Variants in C8orf34 observed in about 807,000 individuals in gnomAD.
C8orf34 encodes the protein uncharacterized protein C8orf34.
Under a neutral mutation model 68.3 loss-of-function variants are expected in C8orf34, and 65 were observed. The ratio of observed to expected loss-of-function variants is 0.95; its 90% CI spans 0.78 to 1.17. The LOEUF (loss-of-function observed/expected upper bound fraction) is 1.17, where lower values mean the gene tolerates loss of function less well. Among genes scored for constraint, C8orf34 ranks in the 50% most tolerant of loss-of-function variants. The pLI, the probability that C8orf34 is intolerant of heterozygous loss-of-function variation, is 0.00. For missense variants in C8orf34, 664 were observed against 655.4 expected, an observed-to-expected ratio of 1.01 and a Z score of -0.14; for synonymous variants, 244 against 241.2, an observed-to-expected ratio of 1.01 and a Z score of -0.11.
chr8:68,754,455 A>T (rs1025488924), intron 10 of C8orf34, among the ~76,000 whole-genome samples: 2 of 152,216 alleles, frequency 1.3e-5, no homozygotes, highest in African/African-American at 4.8e-5. Context: ...GGTTTTTAAG[A>T]ATCTAGAAAG....
At chr8:68,455,772 G>T (rs1442016553) in intron 3 of C8orf34, among the ~76,000 whole-genome samples, 1 of 151,462 alleles carries the variant, frequency 6.6e-6, no homozygotes, top group African/African-American at 2.4e-5. Context: ...AAACTCTTTA[G>T]GAATAGAAGG....
At chr8:68,610,684 A>G (rs1185695784) in intron 7 of C8orf34, among the ~76,000 whole-genome samples, 1 of 152,064 alleles carries the variant, frequency 6.6e-6, no homozygotes, top group Non-Finnish European at 1.5e-5. Context: ...TCCGTTTTTA[A>G]GTTAGTTGGG....
intron 10 of C8orf34, among the ~76,000 whole-genome samples, chr8:68,734,320 G>A (rs1279416043): frequency 6.6e-6 from 1 of 152,070 alleles, no homozygotes; most frequent in African/African-American, 2.4e-5. Context: ...CAAGCAGACA[G>A]TAGGGAGACC....
intron 4 of C8orf34, among the ~76,000 whole-genome samples, chr8:68,472,270 AC>A (rs896676821): frequency 2.0e-5 from 3 of 152,058 alleles, no homozygotes; most frequent in African/African-American, 7.2e-5. Flanking sequence ...CTCAAACATT[AC>A]TTTTTTCTTC....
At chr8:68,434,107 T>A (rs1189884357) in intron 1 of C8orf34, among the ~76,000 whole-genome samples, 2 of 152,166 alleles carry the variant, frequency 1.3e-5, no homozygotes, top group East Asian at 3.8e-4. Context: ...AAAAAGGAAT[T>A]TTGTCTTTGT....
intron 8 of C8orf34, among the ~76,000 whole-genome samples, chr8:68,681,408 C>G (rs1820367059): frequency 6.6e-6 from 1 of 152,146 alleles, no homozygotes; most frequent in Non-Finnish European, 1.5e-5. Context: ...TTCAGGCTCC[C>G]TGACTTCCCG....
Position 68,468,793 on chromosome 8 carries a change from G to A in C8orf34, c.709G>A (p.Gly237Arg), listed in dbSNP as rs765323437. 6.2e-7 allele frequency: 1 copy of A among 1,611,568 alleles called. No individual in the cohort carries two copies. The highest frequency in any genetic ancestry group is 1.7e-5 in the Admixed American group (1 of 59,656). ...CATCCTTCAGGAGAGCAAGAAGCTG[G>A]GGAAAGCCCTTGAGAATCTCTCTCG... ...NHILQESKKL[G>R]KALENLSRSI... Residue 237 changes from glycine to arginine, a missense_variant, in exon 4 of 14, where the codon GGG becomes AGG. Coordinates refer to ENST00000518698, the MANE Select transcript of C8orf34 (RefSeq NM_052958.4).
intron 6 of C8orf34, among the ~76,000 whole-genome samples, chr8:68,527,913 G>A (rs1191065571): frequency 6.6e-6 from 1 of 152,158 alleles, no homozygotes; most frequent in Non-Finnish European, 1.5e-5. Flanking sequence ...CACAGGCTGT[G>A]GGGCTGGAGA....
intron 7 of C8orf34, among the ~76,000 whole-genome samples, chr8:68,638,310 T>C (rs543501737): frequency 7.0e-6 from 1 of 142,206 alleles, no homozygotes; most frequent in Admixed American, 7.3e-5. Context: ...GCTAGAACTT[T>C]TTTTTTTCTT....
At position 68,461,417 on chromosome 8, in the gene C8orf34, T is replaced by A. The variant is rs565086386; in HGVS notation, c.608-7275T>A. On this transcript the variant is annotated intron_variant, in intron 3 of 13. Coordinates refer to ENST00000518698, the MANE Select transcript of C8orf34 (RefSeq NM_052958.4). ...CCCAATCTAGCAAGGCAGGCCAACA[T>A]TCAGATTCAGGAAATACTGAGAACG... 2.1e-3 allele frequency among the ~76,000 whole-genome samples: 324 copies of A among 152,210 alleles called. 1 individual carries two copies. The highest frequency in any genetic ancestry group is 7.0e-3 in the African/African-American group (291 of 41,502).
chr8:68,512,864 AT>A (rs1814338913), intron 5 of C8orf34, among the ~76,000 whole-genome samples: 2 of 151,814 alleles, frequency 1.3e-5, no homozygotes, highest in African/African-American at 4.8e-5. Context: ...AGTAGTCTCA[AT>A]TACATGTTAT....
chr8:68,585,121 T>C (rs752272113), intron 7 of C8orf34, among the ~76,000 whole-genome samples: 91 of 152,294 alleles, frequency 6.0e-4, no homozygotes, highest in Admixed American at 1.0e-3. Flanking sequence ...TGCTCAGCAC[T>C]GGGCAGTCTG....
chr8:68,475,368 G>T (rs1033355505), intron 4 of C8orf34, among the ~76,000 whole-genome samples: 11 of 152,130 alleles, frequency 7.2e-5, no homozygotes, highest in Admixed American at 7.2e-4. Flanking sequence ...AGTTTCCTGA[G>T]GGCAGAGCCA....
In C8orf34 at chr8:68,744,309, C is replaced by T. The variant is rs1354994026; in HGVS notation, c.1404+22872C>T. ...AAAAACAGAGCAGAAAAACTGGAAA[C>T]TCTAAAAAGCAGAGCACCTCTCCTC... On this transcript the variant is annotated intron_variant, in intron 10 of 13. Coordinates refer to ENST00000518698, the MANE Select transcript of C8orf34 (RefSeq NM_052958.4). Among the ~76,000 whole-genome samples, 12 of 152,110 alleles carry T rather than the reference C, an allele frequency of 7.9e-5. No homozygotes were observed. The South Asian group carries it at 2.5e-3, about 32-fold the overall frequency.
intron 5 of C8orf34, among the ~76,000 whole-genome samples, chr8:68,491,379 T>A (rs1471601319): frequency 2.0e-5 from 3 of 152,178 alleles, no homozygotes; most frequent in African/African-American, 7.2e-5. Context: ...ATCTTACAGC[T>A]CTGTAGTTTC....
chr8:68,524,961 G>A (rs1156900590), intron 6 of C8orf34, among the ~76,000 whole-genome samples: 3 of 152,116 alleles, frequency 2.0e-5, no homozygotes, highest in Non-Finnish European at 4.4e-5. Flanking sequence ...AAATACTGTA[G>A]ATCTGGTGAA....
chr8:68,637,007 C>T (rs1818866143), intron 7 of C8orf34, among the ~76,000 whole-genome samples: 1 of 152,182 alleles, frequency 6.6e-6, no homozygotes, highest in South Asian at 2.1e-4. Flanking sequence ...GAGGACCAAA[C>T]TTAGAGAACC....
At chr8:68,591,574 A>T (rs1563548655) in intron 7 of C8orf34, among the ~76,000 whole-genome samples, 1 of 152,188 alleles carries the variant, frequency 6.6e-6, no homozygotes. Context: ...CTAATGTAAC[A>T]TACTTTCTCT....
At chr8:68,552,360 A>G (rs917598587) in intron 7 of C8orf34, among the ~76,000 whole-genome samples, 2 of 152,110 alleles carry the variant, frequency 1.3e-5, no homozygotes, top group Non-Finnish European at 2.9e-5. Context: ...TTAGATCTTT[A>G]ATTTTTTAAG....
Sources: allele counts gnomAD v4.1 joint callset (sites outside exome capture counted in the v4.1 genomes callset), GRCh38; gene constraint gnomAD v4.1.1; transcripts MANE v1.5; gene names NCBI Gene and HGNC (gene_info 2026-07-23, HGNC 2026-07-21).